The following ADAM32 variants were observed in gnomAD, a reference collection of about 807,000 sequenced individuals.
ADAM32 encodes ADAM metallopeptidase domain 32.
Under a neutral mutation model 114.9 loss-of-function variants are expected in ADAM32, and 89 were observed. The observed-to-expected ratio is 0.77, with a 90% CI of 0.65 to 0.92. The LOEUF (loss-of-function observed/expected upper bound fraction) is 0.92. ADAM32 is among the 40% of genes least tolerant of loss of function. The probability of loss-of-function intolerance (pLI) is 0.00; values close to 1 mark genes in which losing one functional copy is unlikely to be tolerated. For synonymous variants in ADAM32, 285 were observed against 307.5 expected (o/e 0.93, Z 0.77); for missense variants, 870 against 932.8 (o/e 0.93, Z 0.88).
intron 16 of ADAM32, among the ~76,000 whole-genome samples, chr8:39,236,587 C>A (rs955244170): frequency 9.2e-5 from 14 of 152,014 alleles, no homozygotes; most frequent in Non-Finnish European, 7.4e-5. Context: ...CCTACTCCCC[C>A]ACAAAACCTG....
intron 3 of ADAM32, among the ~76,000 whole-genome samples, chr8:39,139,718 A>G (rs143196391): frequency 0.29 from 43,378 of 152,034 alleles, 6,232 homozygotes; most frequent in Middle Eastern, 0.34. Context: ...GAAGAAAGTC[A>G]TTGTAGCTTG....
At chr8:39,259,606 A>G (rs1259247572) in intron 19 of ADAM32, among the ~76,000 whole-genome samples, 2 of 151,922 alleles carry the variant, frequency 1.3e-5, no homozygotes, top group Non-Finnish European at 2.9e-5. Context: ...AACTCCTTCC[A>G]TTTTCAATGT....
intron 18 of ADAM32, among the ~76,000 whole-genome samples, chr8:39,255,876 T>G (rs1027650887): frequency 6.6e-6 from 1 of 152,120 alleles, no homozygotes; most frequent in African/African-American, 2.4e-5. Flanking sequence ...ATTTAAGTCT[T>G]TGATCCCTCT....
intron 7 of ADAM32, among the ~76,000 whole-genome samples, chr8:39,164,126 C>G (rs1332207729): frequency 2.0e-5 from 3 of 152,144 alleles, no homozygotes; most frequent in Admixed American, 1.3e-4. Flanking sequence ...CTGTGTGATC[C>G]CATTAGAGCC....
At chr8:39,261,675 A>G (rs1812038684) in intron 19 of ADAM32, among the ~76,000 whole-genome samples, 1 of 151,926 alleles carries the variant, frequency 6.6e-6, no homozygotes, top group South Asian at 2.1e-4. Context: ...TCCCATCAAC[A>G]GTGTCCCTTT....
chr8:39,186,675 ATTATG>A (rs1452425991), intron 10 of ADAM32, among the ~76,000 whole-genome samples: 7 of 152,204 alleles, frequency 4.6e-5, no homozygotes, highest in African/African-American at 1.7e-4. Flanking sequence ...CTACCTAAGA[ATTATG>A]TTAGGTGTTC....
intron 22 of ADAM32, among the ~76,000 whole-genome samples, chr8:39,277,038 AG>A (rs1247527196): frequency 7.0e-6 from 1 of 142,224 alleles, no homozygotes; most frequent in Non-Finnish European, 1.5e-5. Flanking sequence ...AGAAACACAA[AG>A]GTACATAGAC....
At chr8:39,108,286 A>T (rs1840011721) in intron 1 of ADAM32, 1 of 152,810 alleles carries the variant, frequency 6.5e-6, no homozygotes, top group African/African-American at 2.4e-5. Flanking sequence ...TGTCTTTTTT[A>T]TAAATTAAAA....
intron 17 of ADAM32, among the ~76,000 whole-genome samples, chr8:39,246,990 A>G (rs1041718246): frequency 2.0e-5 from 3 of 152,064 alleles, no homozygotes; most frequent in Admixed American, 1.3e-4. Flanking sequence ...TCACTTAGTA[A>G]TATGCATTTA....
At chr8:39,194,855 A>G (rs1307297694) in intron 11 of ADAM32, among the ~76,000 whole-genome samples, 2 of 152,048 alleles carry the variant, frequency 1.3e-5, no homozygotes, top group African/African-American at 2.4e-5. Flanking sequence ...GTCATGCTCT[A>G]CTACTGACAC....
chr8:39,184,882 T>C (rs1020909507), intron 10 of ADAM32, among the ~76,000 whole-genome samples: 13 of 152,216 alleles, frequency 8.5e-5, no homozygotes, highest in African/African-American at 2.9e-4. Flanking sequence ...TTTGATAATC[T>C]GTAAGCCCCT....
chr8:39,251,326 G>T (rs1021191527), intron 17 of ADAM32, among the ~76,000 whole-genome samples: 1 of 151,074 alleles, frequency 6.6e-6, no homozygotes, highest in Non-Finnish European at 1.5e-5. Flanking sequence ...CCACAGCCTC[G>T]CCAGCATTGG....
chr8:39,177,776 T>C (rs1425908780), intron 10 of ADAM32, among the ~76,000 whole-genome samples: 1 of 152,214 alleles, frequency 6.6e-6, no homozygotes, highest in African/African-American at 2.4e-5. Context: ...TGAAGCTTAG[T>C]TTGGCTAAAT....
chr8:39,107,714 C>A, upstream of ADAM32: 1 of 1,549,254 alleles, frequency 6.5e-7, no homozygotes, highest in South Asian at 1.2e-5. Flanking sequence ...CCGCGCGTCC[C>A]CGCGTCCCTG....
At chr8:39,113,753 G>A (rs112073973) in intron 1 of ADAM32, among the ~76,000 whole-genome samples, 3 of 152,152 alleles carry the variant, frequency 2.0e-5, no homozygotes, top group Non-Finnish European at 4.4e-5. Context: ...TTCACATCAT[G>A]CAACTTGACC....
chr8:39,259,572 A>G (rs1028950664), intron 19 of ADAM32, among the ~76,000 whole-genome samples: 6 of 152,160 alleles, frequency 3.9e-5, no homozygotes, highest in Non-Finnish European at 5.9e-5. Flanking sequence ...CTTCTTGGAA[A>G]TAACCCAAGG....
chr8:39,203,490 C>G lies in ADAM32; in HGVS notation c.1053-7654C>G, dbSNP rs187915718. 1.3e-3 allele frequency among the ~76,000 whole-genome samples: 194 copies of G among 152,192 alleles called. 6 individuals carry two copies. In the East Asian group the frequency reaches 0.026, roughly 21 times the overall value. On this transcript the variant is annotated intron_variant, in intron 11 of 24. Transcript: ENST00000379907. ...TTTGTTTTCCATTTGCTTGGTAGAT[C>G]GTCCTCCATCCCTTTATTTTGAGCC...
rs1471962182 is a variant in ADAM32, at chr8:39,224,321, T to C, written c.1525+1083T>C. Among the ~76,000 whole-genome samples the C allele has an allele frequency of 3.3e-5, 5 of 152,342 alleles. No homozygotes were observed. In the East Asian group the frequency reaches 9.6e-4, roughly 29 times the overall value. On this transcript the variant is annotated intron_variant, in intron 14 of 24. Coordinates refer to ENST00000379907, the MANE Select transcript of ADAM32 (RefSeq NM_145004.7). ...TGGGATTGGTGAATCATAAGGTAGT[T>C]CTACTTTTGATTTCTAAGGATGTTC...
intron 22 of ADAM32, among the ~76,000 whole-genome samples, chr8:39,280,893 C>T (rs1312514810): frequency 1.3e-5 from 2 of 151,912 alleles, no homozygotes; most frequent in East Asian, 3.9e-4. Context: ...CTCCATTCTC[C>T]TGCCTCAGTC....
Sources: allele counts gnomAD v4.1 joint callset (sites outside exome capture counted in the v4.1 genomes callset), GRCh38; gene constraint gnomAD v4.1.1; transcripts MANE v1.5; gene names NCBI Gene and HGNC (gene_info 2026-07-23, HGNC 2026-07-21).